The following LRRIQ3 variants were observed in gnomAD, a reference collection of about 807,000 sequenced individuals.
LRRIQ3 encodes leucine-rich repeat and IQ domain-containing protein 3.
Under a neutral mutation model 59.3 loss-of-function variants are expected in LRRIQ3, and 75 were observed. The ratio of observed to expected loss-of-function variants is 1.26; its 90% CI spans 1.05 to 1.53. The LOEUF (loss-of-function observed/expected upper bound fraction) is 1.53, where lower values mean the gene tolerates loss of function less well. Among genes scored for constraint, LRRIQ3 ranks in the 40% most tolerant of loss-of-function variants. The pLI is 0.00. For missense variants in LRRIQ3, 831 were observed against 710.0 expected (o/e 1.17, Z -1.94); for synonymous variants, 250 against 231.3 (o/e 1.08, Z -0.73).
At chr1:74,124,469 C>G (rs555134235) in intron 4 of LRRIQ3, among the ~76,000 whole-genome samples, 8 of 151,974 alleles carry the variant, frequency 5.3e-5, no homozygotes, top group African/African-American at 1.9e-4. Context: ...CCAACGTTTT[C>G]TTATAGTAGT....
At chr1:74,156,801 T>C (rs1447222812) in intron 3 of LRRIQ3, among the ~76,000 whole-genome samples, 1 of 152,142 alleles carries the variant, frequency 6.6e-6, no homozygotes, top group Non-Finnish European at 1.5e-5. Flanking sequence ...TTCCTGAAAA[T>C]TTTTAGATTT....
intron 5 of LRRIQ3, among the ~76,000 whole-genome samples, chr1:74,089,373 A>G (rs1231002372): frequency 6.6e-6 from 1 of 152,124 alleles, no homozygotes; most frequent in Non-Finnish European, 1.5e-5. Flanking sequence ...TTAGAGCAGC[A>G]TAGTTAAAAA....
intron 5 of LRRIQ3, among the ~76,000 whole-genome samples, chr1:74,091,406 T>A (rs1276046243): frequency 6.6e-6 from 1 of 152,084 alleles, no homozygotes; most frequent in African/African-American, 2.4e-5. Flanking sequence ...ACCTGAGGTA[T>A]CAAATGAACA....
At chr1:74,035,894 C>T (rs1223149515) in intron 7 of LRRIQ3, among the ~76,000 whole-genome samples, 1 of 152,132 alleles carries the variant, frequency 6.6e-6, no homozygotes, top group East Asian at 1.9e-4. Flanking sequence ...TGCCTCACCT[C>T]TCTACTATAA....
intron 3 of LRRIQ3, among the ~76,000 whole-genome samples, chr1:74,159,107 A>C (rs185599878): frequency 5.9e-5 from 9 of 152,264 alleles, no homozygotes; most frequent in Non-Finnish European, 1.3e-4. Context: ...ATTCCTCCTT[A>C]TAAATGAGAA....
chr1:74,184,568 T>C (rs192998600), intron 1 of LRRIQ3, among the ~76,000 whole-genome samples: 32 of 152,262 alleles, frequency 2.1e-4, no homozygotes, highest in Admixed American at 6.5e-4. Context: ...TACACTCTTG[T>C]ACTCTTTCAA....
At position 74,198,072 on chromosome 1, in the gene LRRIQ3, G is replaced by T. The variant is rs1360976440; in HGVS notation, c.-77C>A. The T allele has an allele frequency of 1.9e-6, 2 of 1,064,264 alleles. No homozygotes were observed. Among genetic ancestry groups the T allele is most frequent in the South Asian group, 1.8e-5 (1 of 54,428 alleles). The allele number at this position is 1,064,264 out of a possible 1,614,324, so 65.9% of individuals were successfully genotyped here. The stretch of plus-strand genomic sequence containing the variant: ...CCAACACAGTCAGACAAATCGCTGG[G>T]CGGCCATCTGCTCCTGAGACCGTTG... On this transcript the variant is annotated 5_prime_UTR_variant, in exon 1 of 8. Transcript: ENST00000354431.
At chr1:74,180,810 A>T in intron 3 of LRRIQ3, 1 of 1,548,316 alleles carries the variant, frequency 6.5e-7, no homozygotes, top group Non-Finnish European at 8.7e-7. Flanking sequence ...CATCCAAGGA[A>T]ACAATGAGGA....
intron 5 of LRRIQ3, among the ~76,000 whole-genome samples, chr1:74,103,561 A>T (rs959871843): frequency 6.6e-6 from 1 of 151,990 alleles, no homozygotes; most frequent in Admixed American, 6.6e-5. Flanking sequence ...AAACAATGAC[A>T]TAAATTGACC....
At chr1:74,176,922 C>T (rs1452022469) in intron 3 of LRRIQ3, among the ~76,000 whole-genome samples, 1 of 152,098 alleles carries the variant, frequency 6.6e-6, no homozygotes, top group Non-Finnish European at 1.5e-5. Flanking sequence ...TCACTTGAGT[C>T]TCAAAAAGGT....
intron 1 of LRRIQ3, among the ~76,000 whole-genome samples, chr1:74,187,845 T>C (rs1343088040): frequency 6.6e-6 from 1 of 152,134 alleles, no homozygotes; most frequent in Non-Finnish European, 1.5e-5. Context: ...GTTCAACCAT[T>C]GTGGAAGACA....
At chr1:74,050,240 T>C (rs559808431) in intron 6 of LRRIQ3, among the ~76,000 whole-genome samples, 1 of 152,204 alleles carries the variant, frequency 6.6e-6, no homozygotes, top group Non-Finnish European at 1.5e-5. Context: ...TTTTAAATAA[T>C]AATACCAGAT....
intron 6 of LRRIQ3, among the ~76,000 whole-genome samples, chr1:74,044,857 T>A (rs906629105): frequency 6.6e-6 from 1 of 151,830 alleles, no homozygotes; most frequent in African/African-American, 2.4e-5. Flanking sequence ...AACTAGAAAA[T>A]CTAGAAGGAA....
intron 5 of LRRIQ3, chr1:74,082,707 T>C (rs1392638910): frequency 1.3e-5 from 2 of 151,518 alleles, no homozygotes; most frequent in Non-Finnish European, 3.0e-5. Flanking sequence ...GAGGAGGGAT[T>C]TATATTTTTT....
At chr1:74,059,032 C>CTTTAT (rs1299339679) in intron 6 of LRRIQ3, among the ~76,000 whole-genome samples, 1 of 151,768 alleles carries the variant, frequency 6.6e-6, no homozygotes, top group African/African-American at 2.4e-5. Flanking sequence ...TCATTAAATT[C>CTTTAT]TTTATTTGTA....
At chr1:74,137,995 G>A (rs1349379383) in intron 4 of LRRIQ3, among the ~76,000 whole-genome samples, 1 of 151,826 alleles carries the variant, frequency 6.6e-6, no homozygotes, top group Non-Finnish European at 1.5e-5. Flanking sequence ...TAATGTAGAT[G>A]ATGGGTTGGT....
intron 5 of LRRIQ3, among the ~76,000 whole-genome samples, chr1:74,076,395 AT>A (rs1320384798): frequency 6.6e-6 from 1 of 152,166 alleles, no homozygotes; most frequent in African/African-American, 2.4e-5. Flanking sequence ...GCTCTTTCAC[AT>A]GGACATCTCA....
rs1185070077 is a variant in LRRIQ3, at chr1:74,026,502, A to C, written c.*311T>G. Reference sequence around the variant, plus strand: ...AACCTAAATTAGCTTATGAATTGCTATATTTAGAAAGAATATGAAACAGAA... The same window carrying C: ...AACCTAAATTAGCTTATGAATTGCTCTATTTAGAAAGAATATGAAACAGAA... On this transcript the variant is annotated 3_prime_UTR_variant, in exon 8 of 8. Transcript: ENST00000354431. The C allele has an allele frequency of 5.4e-6, 1 of 185,302 alleles. No individual in the cohort carries two copies. Among genetic ancestry groups the C allele is most frequent in the Non-Finnish European group, 1.1e-5 (1 of 90,556 alleles). The allele number at this position is 185,302 out of a possible 1,614,324, so 11.5% of individuals were successfully genotyped here.
intron 7 of LRRIQ3, among the ~76,000 whole-genome samples, chr1:74,034,424 G>A (rs190157974): frequency 3.6e-4 from 54 of 151,950 alleles, no homozygotes; most frequent in Admixed American, 6.6e-4. Flanking sequence ...AGATAATTCA[G>A]TTAACATATA....
Sources: allele counts gnomAD v4.1 joint callset (sites outside exome capture counted in the v4.1 genomes callset), GRCh38; gene constraint gnomAD v4.1.1; transcripts MANE v1.5; gene names NCBI Gene and HGNC (gene_info 2026-07-23, HGNC 2026-07-21).